The following MACROD2 variants were observed in gnomAD, a reference collection of about 807,000 sequenced individuals.
MACROD2 encodes ADP-ribose glycohydrolase MACROD2.
MACROD2 carries 36 observed loss-of-function variants against 70.4 expected under a neutral mutation model. The ratio of observed to expected loss-of-function variants is 0.51; its 90% CI spans 0.39 to 0.68. The LOEUF is 0.68. MACROD2 is among the 30% of genes least tolerant of loss of function. The pLI is 0.00. For missense variants in MACROD2, 496 were observed against 538.4 expected (o/e 0.92, Z 0.78); for synonymous variants, 172 against 178.8 (o/e 0.96, Z 0.30).
At chr20:15,511,391 T>C (rs2047497453) in intron 8 of MACROD2, among the ~76,000 whole-genome samples, 4 of 152,182 alleles carry the variant, frequency 2.6e-5, no homozygotes, top group African/African-American at 9.7e-5. Context: ...TAGTTGTTGT[T>C]GCTTCTCTGA....
chr20:15,023,673 A>G (rs530723225), intron 5 of MACROD2, among the ~76,000 whole-genome samples: 261 of 152,170 alleles, frequency 1.7e-3, no homozygotes, highest in African/African-American at 6.1e-3. Context: ...CCTTTAGAAA[A>G]CCATCAGATC....
intron 15 of MACROD2, among the ~76,000 whole-genome samples, chr20:16,028,685 A>C (rs1287478980): frequency 6.6e-6 from 1 of 152,194 alleles, no homozygotes; most frequent in African/African-American, 2.4e-5. Flanking sequence ...AGGCACAGGC[A>C]CATTTTCCAC....
intron 8 of MACROD2, among the ~76,000 whole-genome samples, chr20:15,856,763 A>G (rs890860655): frequency 2.6e-5 from 4 of 152,154 alleles, no homozygotes; most frequent in African/African-American, 9.7e-5. Flanking sequence ...ATTATTTTCT[A>G]TTACATTTTA....
chr20:14,246,590 G>A (rs1450858167), intron 3 of MACROD2, among the ~76,000 whole-genome samples: 2 of 152,060 alleles, frequency 1.3e-5, no homozygotes, highest in Non-Finnish European at 2.9e-5. Context: ...CCTTTTCTAG[G>A]TAGTCTCAAC....
chr20:14,133,416 A>G (rs1357033142), intron 3 of MACROD2, among the ~76,000 whole-genome samples: 5 of 152,182 alleles, frequency 3.3e-5, no homozygotes, highest in Non-Finnish European at 7.4e-5. Flanking sequence ...TTTTTCCCAC[A>G]TTGTTCTAGA....
Position 14,085,504 on chromosome 20 carries a change from G to A in MACROD2, c.164-117G>A, listed in dbSNP as rs948178100. 3.1e-5 allele frequency: 15 copies of A among 489,014 alleles called. No individual in the cohort carries two copies. In the Admixed American group the frequency reaches 6.0e-4, roughly 20 times the overall value. 30.3% of individuals were successfully genotyped at this position (489,014 alleles called of 1,614,324 possible). On this transcript the variant is annotated intron_variant, in intron 2 of 17. Transcript: ENST00000684519. ...TGTACTTACGCTCTTATTTCCACTT[G>A]TTTTTTGTAGTAGAGCATGACACAT... is the stretch of plus-strand genomic sequence containing the variant.
chr20:14,119,460 G>C (rs980993171), intron 3 of MACROD2, among the ~76,000 whole-genome samples: 2 of 152,024 alleles, frequency 1.3e-5, no homozygotes, highest in African/African-American at 4.8e-5. Flanking sequence ...ATGAGCCATC[G>C]CACCTGGCCA....
intron 3 of MACROD2, among the ~76,000 whole-genome samples, chr20:14,153,808 G>GT (rs1382491975): frequency 6.6e-6 from 1 of 152,124 alleles, no homozygotes; most frequent in Admixed American, 6.5e-5. Context: ...TTTTATGTAT[G>GT]TTATTTTTAA....
rs1031421514 is a variant in MACROD2 at position 14,725,455 on chromosome 20, G to A, written c.418+40496G>A. ...AAGAGAAATCAGCAAAGGAGACAGAGAAGGCATGCAAACTGAGCTAGAAAG... is the reference window on the plus strand; with the variant it reads ...AAGAGAAATCAGCAAAGGAGACAGAAAAGGCATGCAAACTGAGCTAGAAAG... On this transcript the variant is annotated intron_variant, in intron 5 of 17. Transcript: ENST00000684519. 1.1e-4 allele frequency among the ~76,000 whole-genome samples: 17 copies of A among 152,260 alleles called. 2 individuals carry two copies. The South Asian group carries it at 1.7e-3, about 15-fold the overall frequency.
In MACROD2 at chr20:14,927,435, G is replaced by A. The variant is rs987748565; in HGVS notation, c.418+242476G>A. Among the ~76,000 whole-genome samples, 4 of 152,192 alleles carry A rather than the reference G, an allele frequency of 2.6e-5. 1 individual carries two copies. The highest frequency in any genetic ancestry group is 5.9e-5 in the Non-Finnish European group (4 of 68,008). Reference sequence around the variant, plus strand: ...CTATTACCCACATATTGTCACTTACGACATTAAAGTCCAGGGGCCAGAAAC... The same window carrying A: ...CTATTACCCACATATTGTCACTTACAACATTAAAGTCCAGGGGCCAGAAAC... On this transcript the variant is annotated intron_variant, in intron 5 of 17. Coordinates refer to ENST00000684519, the MANE Select transcript of MACROD2 (RefSeq NM_001351661.2).
At chr20:15,866,321 G>A (rs1022428696) in intron 9 of MACROD2, among the ~76,000 whole-genome samples, 7 of 152,012 alleles carry the variant, frequency 4.6e-5, no homozygotes, top group East Asian at 1.9e-4. Flanking sequence ...ACTTGAGCTC[G>A]GGGATTTGAG....
chr20:14,350,969 A>G (rs1439572926), intron 3 of MACROD2, among the ~76,000 whole-genome samples: 1 of 152,154 alleles, frequency 6.6e-6, no homozygotes, highest in African/African-American at 2.4e-5. Context: ...TTGCATATGG[A>G]TATTCAGTTT....
At chr20:14,673,959 A>G (rs549102061) in intron 4 of MACROD2, among the ~76,000 whole-genome samples, 1 of 151,894 alleles carries the variant, frequency 6.6e-6, no homozygotes, top group Non-Finnish European at 1.5e-5. Flanking sequence ...AATAAAGCTC[A>G]AGACCACCTT....
At chr20:15,286,596 A>G (rs6043173) in intron 6 of MACROD2, among the ~76,000 whole-genome samples, 63,929 of 151,936 alleles carry the variant, frequency 0.42, 13,876 homozygotes, top group African/African-American at 0.51. Context: ...CGAGGGCTAC[A>G]AAGATATAAC....
chr20:14,674,030 T>C (rs745864624), intron 4 of MACROD2, among the ~76,000 whole-genome samples: 5 of 152,064 alleles, frequency 3.3e-5, no homozygotes, highest in Non-Finnish European at 5.9e-5. Context: ...TAAAATGTAA[T>C]ACATTAATAT....
At chr20:14,170,772 T>A (rs2081213320) in intron 3 of MACROD2, among the ~76,000 whole-genome samples, 1 of 152,216 alleles carries the variant, frequency 6.6e-6, no homozygotes, top group Admixed American at 6.5e-5. Flanking sequence ...GATTTTTGCA[T>A]CTATGTTCAT....
chr20:15,533,544 G>GCTCTCTCT lies in MACROD2; in HGVS notation c.645+33728_645+33735dup, dbSNP rs3071260. 5.7e-3 allele frequency among the ~76,000 whole-genome samples: 810 copies of GCTCTCTCT among 141,124 alleles called. 8 individuals carry two copies. The highest frequency in any genetic ancestry group is 0.036 in the East Asian group (173 of 4,818). The allele number at this position is 141,124 out of a possible 152,430, so 92.6% of individuals were successfully genotyped here. On this transcript the variant is annotated intron_variant, in intron 8 of 17. Transcript: ENST00000684519. ...CCAACTTTCTGTCTCTGTCTCTGTC[G>GCTCTCTCT]CTCTCTCTCTCTCTCTCTCTCTCTC...
intron 4 of MACROD2, among the ~76,000 whole-genome samples, chr20:14,532,846 G>A (rs1998105): frequency 0.21 from 31,578 of 152,068 alleles, 3,908 homozygotes; most frequent in Non-Finnish European, 0.28. Context: ...GTGATGCATC[G>A]GGATTAGGCC....
chr20:15,694,011 C>T (rs1326807177), intron 8 of MACROD2, among the ~76,000 whole-genome samples: 1 of 152,092 alleles, frequency 6.6e-6, no homozygotes, highest in Non-Finnish European at 1.5e-5. Context: ...TAATAGTCTC[C>T]AATCTCATCT....
Sources: gnomAD v4.1 joint callset for allele counts (sites outside exome capture counted in the v4.1 genomes callset) on GRCh38, gnomAD v4.1.1 for gene constraint, MANE v1.5 for transcripts, NCBI Gene and HGNC (gene_info 2026-07-23, HGNC 2026-07-21) for gene names.